NRG3: variants seen among roughly 807,000 people sequenced by gnomAD.
NRG3 encodes the protein pro-neuregulin-3, membrane-bound isoform.
NRG3 carries 31 observed loss-of-function variants against 66.9 expected under a neutral mutation model. That is an observed-to-expected ratio of 0.46 (90% CI 0.35 to 0.63). The LOEUF (loss-of-function observed/expected upper bound fraction) is 0.63, where lower values mean the gene tolerates loss of function less well. Among genes scored for constraint, NRG3 ranks in the 20% least tolerant of loss-of-function variants. NRG3 has a pLI of 0.00. For missense variants in NRG3, 910 were observed against 878.9 expected, an observed-to-expected ratio of 1.04 and a Z score of -0.45; for synonymous variants, 393 against 359.4, an observed-to-expected ratio of 1.09 and a Z score of -1.06.
chr10:82,343,992 T>C (rs2135417461), intron 1 of NRG3, among the ~76,000 whole-genome samples: 1 of 152,308 alleles, frequency 6.6e-6, no homozygotes, highest in South Asian at 2.1e-4. Context: ...ACAAGAAATT[T>C]GGATGTGGGA....
At chr10:82,442,784 ATTTTTTTTTTTTTTTTT>A (rs61261285) in intron 2 of NRG3, among the ~76,000 whole-genome samples, 5 of 54,276 alleles carry the variant, frequency 9.2e-5, no homozygotes, top group South Asian at 6.1e-4. Flanking sequence ...TTCTGTGTGG[ATTTTTTTTTTTTTTTTT>A]TTTTTTTTTT....
At chr10:82,052,831 A>G (rs2063663961) in intron 1 of NRG3, among the ~76,000 whole-genome samples, 1 of 152,198 alleles carries the variant, frequency 6.6e-6, no homozygotes, top group Non-Finnish European at 1.5e-5. Flanking sequence ...GGGAAATTAA[A>G]AATGGACATA....
intron 2 of NRG3, among the ~76,000 whole-genome samples, chr10:82,430,054 C>G (rs2089695372): frequency 6.6e-6 from 1 of 152,108 alleles, no homozygotes; most frequent in Non-Finnish European, 1.5e-5. Context: ...TTAATAATCT[C>G]AGTTTGGAGA....
chr10:82,408,085 C>A (rs7475097), intron 2 of NRG3, among the ~76,000 whole-genome samples: 1,248 of 73,964 alleles, frequency 0.017, 21 homozygotes, highest in East Asian at 0.067. Flanking sequence ...GAGAGAGAGA[C>A]AGAAAGAAAG....
chr10:82,531,727 T>G (rs950699570), intron 2 of NRG3, among the ~76,000 whole-genome samples: 3 of 151,890 alleles, frequency 2.0e-5, no homozygotes, highest in African/African-American at 7.2e-5. Context: ...ATAATAGGAT[T>G]TTTTAAAATA....
intron 1 of NRG3, among the ~76,000 whole-genome samples, chr10:82,251,940 G>A (rs1351409241): frequency 0.013 from 3 of 234 alleles, no homozygotes; most frequent in Admixed American, 0.077. Context: ...GGTGTGGGGT[G>A]AGGGCATTGC....
At chr10:82,168,143 T>C (rs749280670) in intron 1 of NRG3, among the ~76,000 whole-genome samples, 2 of 152,192 alleles carry the variant, frequency 1.3e-5, no homozygotes, top group African/African-American at 4.8e-5. Context: ...ATTTTCTCTT[T>C]GTGCAGCCTA....
intron 2 of NRG3, among the ~76,000 whole-genome samples, chr10:82,726,447 A>G (rs1216634378): frequency 2.0e-5 from 3 of 152,082 alleles, no homozygotes; most frequent in Non-Finnish European, 2.9e-5. Context: ...TCTCATGGTA[A>G]TGAATGGGTC....
intron 3 of NRG3, chr10:82,827,204 TAAAAAAAAAAA>T (rs5786573): frequency 0.016 from 3,105 of 192,636 alleles, 3 homozygotes; most frequent in South Asian, 0.03. Flanking sequence ...TACCAAATTG[TAAAAAAAAAAA>T]AAAAAAAAAA....
intron 2 of NRG3, among the ~76,000 whole-genome samples, chr10:82,366,815 A>G (rs2084558795): frequency 6.6e-6 from 1 of 152,176 alleles, no homozygotes; most frequent in Non-Finnish European, 1.5e-5. Flanking sequence ...TTCTTTCCCA[A>G]AATAGTTTTC....
intron 1 of NRG3, among the ~76,000 whole-genome samples, chr10:82,137,614 G>T (rs567725403): frequency 2.0e-5 from 3 of 152,256 alleles, no homozygotes; most frequent in African/African-American, 7.2e-5. Flanking sequence ...AGAACTAATT[G>T]ATTCAAGAAA....
intron 1 of NRG3, among the ~76,000 whole-genome samples, chr10:82,057,973 CTTT>C (rs11323372): frequency 5.0e-5 from 7 of 140,748 alleles, no homozygotes; most frequent in African/African-American, 1.0e-4. Context: ...TCTTTCCTTT[CTTT>C]TTTTTTTTTT....
At position 82,827,204 on chromosome 10, in the gene NRG3, TAAAAAAAA is replaced by T. The variant is rs5786573; in HGVS notation, c.1028-38186_1028-38179del. 846 of 193,110 alleles carry T rather than the reference TAAAAAAAA, an allele frequency of 4.4e-3. 4 individuals carry two copies. The highest frequency in any genetic ancestry group is 0.01 in the African/African-American group (302 of 28,812). 12.0% of individuals were successfully genotyped at this position (193,110 alleles called of 1,614,324 possible). On this transcript the variant is annotated intron_variant, in intron 3 of 8. Coordinates refer to ENST00000372141, the MANE Select transcript of NRG3 (RefSeq NM_001010848.4). ...TGTGAGACTTTTTGTTACCAAATTG[TAAAAAAAA>T]AAAAAAAAAAAAAAAAAAAATCATG...
At chr10:82,694,226 G>A (rs1223386854) in intron 2 of NRG3, among the ~76,000 whole-genome samples, 4 of 152,130 alleles carry the variant, frequency 2.6e-5, no homozygotes, top group Admixed American at 6.5e-5. Context: ...GACACAGAGC[G>A]CTGATTGGTG....
intron 2 of NRG3, among the ~76,000 whole-genome samples, chr10:82,467,619 C>T (rs1042094560): frequency 2.6e-5 from 4 of 152,120 alleles, no homozygotes; most frequent in Non-Finnish European, 5.9e-5. Context: ...GGACCCTAAG[C>T]TGCTGGACAG....
intron 6 of NRG3, 81 bp from the exon 7 acceptor site, chr10:82,973,707 C>G (rs1851983385): frequency 6.7e-7 from 1 of 1,503,232 alleles, no homozygotes; most frequent in Non-Finnish European, 9.2e-7. Flanking sequence ...ATTCCAGTAA[C>G]TTCTCAATGC....
chr10:82,047,403 A>G (rs1050229680), intron 1 of NRG3, among the ~76,000 whole-genome samples: 2 of 152,248 alleles, frequency 1.3e-5, no homozygotes, highest in Non-Finnish European at 2.9e-5. Context: ...GCGGATCTCT[A>G]GGCAGAACCT....
At chr10:82,314,842 A>G (rs1181420640) in intron 1 of NRG3, among the ~76,000 whole-genome samples, 1 of 152,100 alleles carries the variant, frequency 6.6e-6, no homozygotes, top group Non-Finnish European at 1.5e-5. Flanking sequence ...ATAAATAGCA[A>G]TAAAAGAGTT....
intron 1 of NRG3, among the ~76,000 whole-genome samples, chr10:82,339,259 T>C (rs1349311509): frequency 6.6e-6 from 1 of 152,228 alleles, no homozygotes; most frequent in African/African-American, 2.4e-5. Flanking sequence ...AGTCAGTAAC[T>C]GTATTAGTCT....
Sources: gnomAD v4.1 joint callset for allele counts (sites outside exome capture counted in the v4.1 genomes callset) on GRCh38, gnomAD v4.1.1 for gene constraint, MANE v1.5 for transcripts, NCBI Gene and HGNC (gene_info 2026-07-23, HGNC 2026-07-21) for gene names.